PICALM: variants seen among roughly 807,000 people sequenced by gnomAD.
PICALM encodes phosphatidylinositol-binding clathrin assembly protein.
Under a neutral mutation model 80.5 loss-of-function variants are expected in PICALM, and 40 were observed. The ratio of observed to expected loss-of-function variants is 0.50; its 90% CI spans 0.39 to 0.65. PICALM has a LOEUF of 0.65. Among genes scored for constraint, PICALM ranks in the 30% least tolerant of loss-of-function variants. The pLI, the probability that PICALM is intolerant of heterozygous loss-of-function variation, is 0.00. For synonymous variants in PICALM, 288 were observed against 260.3 expected (o/e 1.11, Z -1.02); for missense variants, 676 against 778.9 (o/e 0.87, Z 1.57).
At chr11:86,056,028 C>T (rs146459296) in intron 1 of PICALM, among the ~76,000 whole-genome samples, 5 of 148,178 alleles carry the variant, frequency 3.4e-5, no homozygotes, top group African/African-American at 1.2e-4. Flanking sequence ...CCCAGCTACT[C>T]GGGAGGCTAA....
intron 17 of PICALM, 153 bp from the exon 18 acceptor site, chr11:85,976,835 G>T (rs2094298699): frequency 1.9e-6 from 1 of 528,082 alleles, no homozygotes; most frequent in South Asian, 2.8e-5. Flanking sequence ...TCGATTAATG[G>T]TCAGTGAAAA....
chr11:85,974,410 C>A, intron 19 of PICALM: 1 of 543,194 alleles, frequency 1.8e-6, no homozygotes, highest in Admixed American at 1.9e-5. Context: ...AAGGATACTA[C>A]ACCAGAATCA....
rs771127377 is a variant in PICALM, at chr11:86,003,495, C to G, written c.808-44G>C. 1.7e-5 allele frequency: 21 copies of G among 1,244,270 alleles called. No individual in the cohort carries two copies. In the African/African-American group the frequency reaches 2.7e-4, roughly 16 times the overall value. 77.1% of individuals were successfully genotyped at this position (1,244,270 alleles called of 1,614,324 possible). A position where few individuals can be genotyped will look rare whatever the true frequency, so the allele number is the denominator to read the frequency against. On this transcript the variant is annotated intron_variant, in intron 8 of 19. Transcript: ENST00000393346. ...TAAGAATTTCATGATAATTAGGCCA[C>G]TGGTCAAATTAAATCAAGTATCATC... is the stretch of plus-strand genomic sequence containing the variant.
At chr11:86,032,165 A>G (rs1342944640) in intron 1 of PICALM, among the ~76,000 whole-genome samples, 1 of 152,206 alleles carries the variant, frequency 6.6e-6, no homozygotes, top group East Asian at 1.9e-4. Flanking sequence ...TTCATACAAA[A>G]GATTTATACT....
intron 1 of PICALM, among the ~76,000 whole-genome samples, chr11:86,035,911 G>A (rs1338946002): frequency 1.5e-5 from 2 of 136,992 alleles, no homozygotes; most frequent in East Asian, 4.2e-4. Flanking sequence ...TCATGCCACT[G>A]CACTCCAGCC....
chr11:86,011,943 T>C (rs2095405163), intron 6 of PICALM, among the ~76,000 whole-genome samples: 1 of 151,314 alleles, frequency 6.6e-6, no homozygotes, highest in Admixed American at 6.6e-5. Flanking sequence ...CTCCGCCTCC[T>C]GGGTTCAAGC....
chr11:85,969,646 C>A, intron 19 of PICALM: 1 of 414,390 alleles, frequency 2.4e-6, no homozygotes, highest in Non-Finnish European at 4.8e-6. Context: ...TGCTTTAAAG[C>A]ATGAGAAAAA....
At chr11:86,050,806 A>C (rs1169852832) in intron 1 of PICALM, among the ~76,000 whole-genome samples, 1 of 149,958 alleles carries the variant, frequency 6.7e-6, no homozygotes, top group Non-Finnish European at 1.5e-5. Context: ...GGTAGAAAGA[A>C]ACTCCCTTTT....
chr11:85,982,423 C>CTTTTTTATTTTTTTTT (rs1555034095), intron 14 of PICALM, among the ~76,000 whole-genome samples: 3 of 70,170 alleles, frequency 4.3e-5, no homozygotes, highest in African/African-American at 1.9e-4. Flanking sequence ...ATTTTATAGA[C>CTTTTTTATTTTTTTTT]TTTTTTTTTT....
At position 85,996,618 on chromosome 11, in the gene PICALM, G is replaced by A. The variant is rs114553533; in HGVS notation, c.1258+208C>T. ...ACATTTAGTTTTATCTTTATTAAAT[G>A]TCATTTCATAATTTAATTGAACATA... On this transcript the variant is annotated intron_variant, in intron 12 of 19. Transcript: ENST00000393346. Among the ~76,000 whole-genome samples the A allele has an allele frequency of 7.0e-3, 1,062 of 152,172 alleles. 48 individuals carry two copies. In the East Asian group the frequency reaches 0.12, roughly 17 times the overall value.
intron 3 of PICALM, chr11:86,023,503 C>A: frequency 1.0e-6 from 1 of 984,750 alleles, no homozygotes; most frequent in Non-Finnish European, 1.2e-6. Flanking sequence ...CATCCTAAGA[C>A]GGTAAACACC....
chr11:85,998,225 C>T (rs539133032), intron 11 of PICALM, among the ~76,000 whole-genome samples: 16 of 152,220 alleles, frequency 1.1e-4, no homozygotes, highest in Non-Finnish European at 2.1e-4. Flanking sequence ...CATTCTTCTA[C>T]CTCAGCCTGC....
chr11:86,048,954 A>G (rs988839407), intron 1 of PICALM, among the ~76,000 whole-genome samples: 1 of 152,072 alleles, frequency 6.6e-6, no homozygotes, highest in Non-Finnish European at 1.5e-5. Flanking sequence ...TAATGTGGGT[A>G]TATCTTCCAA....
intron 4 of PICALM, among the ~76,000 whole-genome samples, chr11:86,021,549 A>G (rs544832340): frequency 6.6e-6 from 1 of 152,132 alleles, no homozygotes; most frequent in East Asian, 1.9e-4. Context: ...GTATGGCAAG[A>G]ATAGGGAGAA....
intron 19 of PICALM, among the ~76,000 whole-genome samples, chr11:85,970,998 A>G (rs545143161): frequency 6.6e-6 from 1 of 152,310 alleles, no homozygotes; most frequent in African/African-American, 2.4e-5. Context: ...TGCAAGGAGA[A>G]GGGTGGGTCT....
chr11:85,992,608 A>G (rs1324540434), intron 12 of PICALM, among the ~76,000 whole-genome samples: 2 of 152,196 alleles, frequency 1.3e-5, no homozygotes, highest in Non-Finnish European at 2.9e-5. Context: ...TTTTAAATAC[A>G]TGATATTAAC....
At chr11:85,980,335 G>C (rs951994200) in intron 17 of PICALM, among the ~76,000 whole-genome samples, 6 of 152,174 alleles carry the variant, frequency 3.9e-5, no homozygotes, top group African/African-American at 1.4e-4. Flanking sequence ...GCACCAGTTA[G>C]TGCGACAGCC....
At chr11:86,000,868 T>G (rs375734551) in intron 10 of PICALM, 89 bp from the exon 11 acceptor site, 3 of 1,511,322 alleles carry the variant, frequency 2.0e-6, no homozygotes, top group African/African-American at 1.4e-5. Flanking sequence ...TTTGTTCTGA[T>G]AGCAGATATT....
At chr11:86,003,300 G>A in intron 9 of PICALM, 66 bp downstream of exon 9, 2 of 841,224 alleles carry the variant, frequency 2.4e-6, no homozygotes, top group Non-Finnish European at 2.0e-6. Context: ...CTTGGAACTT[G>A]AGCTGGTTTC....
Sources: allele counts gnomAD v4.1 joint callset (sites outside exome capture counted in the v4.1 genomes callset), GRCh38; gene constraint gnomAD v4.1.1; transcripts MANE v1.5; gene names NCBI Gene and HGNC (gene_info 2026-07-23, HGNC 2026-07-21).